SLC2A2: variants seen among roughly 807,000 people sequenced by gnomAD.
SLC2A2 encodes the protein solute carrier family 2 member 2, also known as solute carrier family 2, facilitated glucose transporter member 2.
A neutral mutation model predicts 54.5 loss-of-function variants in SLC2A2; 36 were observed. The observed-to-expected ratio is 0.66, with a 90% CI of 0.51 to 0.87. The LOEUF is 0.87. Ranked by LOEUF, SLC2A2 falls within the 40% of genes least tolerant of loss-of-function variation. The probability of loss-of-function intolerance (pLI) is 0.00; values close to 1 mark genes in which losing one functional copy is unlikely to be tolerated. For missense variants in SLC2A2, 543 were observed against 624.3 expected, an observed-to-expected ratio of 0.87 and a Z score of 1.39; for synonymous variants, 223 against 219.1, an observed-to-expected ratio of 1.02 and a Z score of -0.16.
At chr3:171,002,068 T>C (rs574706878) in intron 8 of SLC2A2, among the ~76,000 whole-genome samples, 1 of 152,154 alleles carries the variant, frequency 6.6e-6, no homozygotes, top group African/African-American at 2.4e-5. Flanking sequence ...TACCATTTGC[T>C]GAGTCTGTTT....
At position 171,007,201 on chromosome 3, in the gene SLC2A2, C is replaced by T. The variant is rs200213178; in HGVS notation, c.559G>A (p.Ala187Thr). The part of the protein sequence containing the change: ...GEIAPTALRG[A>T]LGTFHQLAIV... Reference sequence around the variant, plus strand: ...GCCAGCTGATGAAAAGTGCCAAGTGCTCCCCTGAGAGCGGTTGGAGCAATT... The same window carrying T: ...GCCAGCTGATGAAAAGTGCCAAGTGTTCCCCTGAGAGCGGTTGGAGCAATT... The change falls in exon 5 of 11, where the codon GCA becomes ACA. Residue 187 changes from alanine (A) to threonine (T), a missense_variant. Physicochemically the swap from Ala to Thr is moderately conservative, Grantham distance 58. Around this residue, in one of 3 missense-constraint regions of SLC2A2, gnomAD observed 318 missense variants for 343.8 expected, o/e 0.93. Coordinates refer to ENST00000314251, the MANE Select transcript of SLC2A2 (RefSeq NM_000340.2). The T allele has an allele frequency of 6.2e-7, 1 of 1,612,772 alleles. No homozygotes were observed. The highest frequency in any genetic ancestry group is 2.2e-5 in the East Asian group (1 of 44,820).
At chr3:171,011,095 A>T (rs1277411845) in intron 3 of SLC2A2, among the ~76,000 whole-genome samples, 1 of 150,194 alleles carries the variant, frequency 6.7e-6, no homozygotes, top group Non-Finnish European at 1.5e-5. Flanking sequence ...ACCAAACAGA[A>T]TTTTTTTTTT....
In SLC2A2 at chr3:171,009,946, TGTGTG is replaced by T; in HGVS notation, c.496+7_496+11del. 6.4e-7 allele frequency: 1 copy of T among 1,568,110 alleles called. No homozygotes were observed. On this transcript the variant is annotated splice_region_variant and intron_variant, in intron 4 of 10. Coordinates refer to ENST00000314251, the MANE Select transcript of SLC2A2 (RefSeq NM_000340.2). ...GTGTGTGTGTGTGTGTGTGTGTGTGTGTGTGACTTACCACAATATAGTCCTGATAT... is the reference window on the plus strand; with the variant it reads ...GTGTGTGTGTGTGTGTGTGTGTGTGTACTTACCACAATATAGTCCTGATAT...
Position 170,999,077 on chromosome 3 carries a change from T to A in SLC2A2, c.1158A>T (p.Gly386=). 6.2e-7 allele frequency: 1 copy of A among 1,611,266 alleles called. No individual in the cohort carries two copies. Among genetic ancestry groups the A allele is most frequent in the Non-Finnish European group, 8.5e-7 (1 of 1,177,674 alleles). Residue 386 remains glycine, a synonymous_variant, in exon 9 of 11, where the codon GGA becomes GGT. Transcript: ENST00000314251. ...GCACCAAACTTACCAGCAGCACAAG[T>A]CCCACTGACATGAAGATGGCACAAA... ...MFVCAIFMSV[G]LVLLNKFSWM... is the part of the protein sequence containing the mutation.
chr3:171,009,976 T>C lies in SLC2A2; in HGVS notation c.478A>G (p.Ile160Val). ...GACTTACCACAATATAGTCCTGATA[T>C]GCTTCTTCCAGCAATTATAAGTATA... Reference protein sequence around the residue: ...SHILIIAGRSISGLYCGLISG... With the variant: ...SHILIIAGRSVSGLYCGLISG... Residue 160 changes from isoleucine to valine, a missense_variant, in exon 4 of 11, where the codon ATA becomes GTA. Transcript: ENST00000314251. 6.2e-7 allele frequency: 1 copy of C among 1,608,114 alleles called. No individual in the cohort carries two copies. Among genetic ancestry groups the C allele is most frequent in the Non-Finnish European group, 8.5e-7 (1 of 1,176,972 alleles).
chr3:171,005,931 C>T lies in SLC2A2; in HGVS notation c.775+12G>A. On this transcript the variant is annotated intron_variant, in intron 6 of 10. Coordinates refer to ENST00000314251, the MANE Select transcript of SLC2A2 (RefSeq NM_000340.2). ...AACAATAGGAAGAAAGAAAAACCAT[C>T]CACAGACTTACTTTGTTTTGCTTTG... 6.2e-7 allele frequency: 1 copy of T among 1,610,614 alleles called. No homozygotes were observed. Among genetic ancestry groups the T allele is most frequent in the Non-Finnish European group, 8.5e-7 (1 of 1,177,402 alleles).
In SLC2A2 at chr3:170,997,812, G is replaced by T. The variant is rs867371749; in HGVS notation, c.*91C>A. ...ACATAAAAATAAAACAATACTTAAA[G>T]ATGTGGATATAAAATGCTCAAGGAA... On this transcript the variant is annotated 3_prime_UTR_variant, in exon 11 of 11. Coordinates refer to ENST00000314251, the MANE Select transcript of SLC2A2 (RefSeq NM_000340.2). 1.0e-6 allele frequency: 1 copy of T among 995,558 alleles called. No individual in the cohort carries two copies. 61.7% of individuals were successfully genotyped at this position (995,558 alleles called of 1,614,324 possible).
chr3:170,996,678 G>A lies in SLC2A2; in HGVS notation c.*1225C>T, dbSNP rs564764920. 24 of 397,920 alleles carry A rather than the reference G, an allele frequency of 6.0e-5. No homozygotes were observed. In the South Asian group the frequency reaches 2.3e-3, roughly 38 times the overall value. 24.6% of individuals were successfully genotyped at this position (397,920 alleles called of 1,614,324 possible). On this transcript the variant is annotated 3_prime_UTR_variant, in exon 11 of 11. Transcript: ENST00000314251. ...CAATTTGCCTATGTAGGTAAAGGCA[G>A]ATAGATAGTGTACAATGCGTGTTAG...
chr3:171,009,842 T>A lies in SLC2A2; in HGVS notation c.496+116A>T, dbSNP rs868052454. The A allele has an allele frequency of 2.0e-5, 28 of 1,415,992 alleles. No homozygotes were observed. The Middle Eastern group carries it at 9.5e-4, about 48-fold the overall frequency. The allele number at this position is 1,415,992 out of a possible 1,614,324, so 87.7% of individuals were successfully genotyped here. A position where few individuals can be genotyped will look rare whatever the true frequency, so the allele number is the denominator to read the frequency against. On this transcript the variant is annotated intron_variant, in intron 4 of 10. Coordinates refer to ENST00000314251, the MANE Select transcript of SLC2A2 (RefSeq NM_000340.2). The stretch of plus-strand genomic sequence containing the variant: ...TGCTATTGCCTTTCCCTCTGTGATG[T>A]CACCCTAGACTCAAAAATATCCCTG...
chr3:171,008,651 C>A (rs1005952064), intron 4 of SLC2A2, among the ~76,000 whole-genome samples: 3 of 151,866 alleles, frequency 2.0e-5, no homozygotes, highest in Admixed American at 6.6e-5. Flanking sequence ...TTTTTTCACA[C>A]TGTATTTTTT....
At chr3:171,019,165 A>G (rs969680740) in intron 1 of SLC2A2, among the ~76,000 whole-genome samples, 2 of 140,444 alleles carry the variant, frequency 1.4e-5, no homozygotes, top group South Asian at 4.6e-4. Flanking sequence ...ACGTATGTAT[A>G]TATATTCAGA....
At chr3:171,026,059 T>C (rs983440991) in intron 1 of SLC2A2, among the ~76,000 whole-genome samples, 4 of 152,198 alleles carry the variant, frequency 2.6e-5, no homozygotes, top group African/African-American at 7.2e-5. Context: ...TACTTTAGCA[T>C]GTACAAAGAA....
intron 4 of SLC2A2, among the ~76,000 whole-genome samples, chr3:171,008,291 T>C (rs1378969955): frequency 1.3e-5 from 2 of 152,164 alleles, no homozygotes; most frequent in African/African-American, 4.8e-5. Context: ...AAGGTATCTG[T>C]ATTTCAGCTG....
intron 2 of SLC2A2, among the ~76,000 whole-genome samples, chr3:171,017,014 A>C: frequency 6.6e-6 from 1 of 151,772 alleles, no homozygotes; most frequent in East Asian, 1.9e-4. Context: ...CACCACGCCC[A>C]GCTAATTTTG....
Position 170,998,345 on chromosome 3 carries a change from CAA to C in SLC2A2, c.1220_1221del (p.Phe407CysfsTer5). On this transcript the variant is annotated frameshift_variant, in exon 10 of 11. Transcript: ENST00000314251. LOFTEE classifies it high-confidence loss of function. Reference protein sequence around the residue: ...SYVSMIAIFLFVSFFEIGPGP... With the variant: ...SYVSMIAIFLXVSFFEIGPGP... ...CCTGGCCCAATTTCAAAGAAGCTGA[CAA>C]AGAGGAAGATGGCTATCATGCTCAC... 2 of 1,613,632 alleles carry C rather than the reference CAA, an allele frequency of 1.2e-6. No homozygotes were observed. The highest frequency in any genetic ancestry group is 1.3e-5 in the African/African-American group (1 of 74,992).
intron 1 of SLC2A2, among the ~76,000 whole-genome samples, chr3:171,020,010 A>G (rs992255818): frequency 3.3e-5 from 5 of 152,138 alleles, no homozygotes; most frequent in Non-Finnish European, 7.4e-5. Flanking sequence ...AAAGCTTGGG[A>G]TATAGTAGGA....
chr3:171,006,676 A>G (rs763145199), intron 5 of SLC2A2, among the ~76,000 whole-genome samples: 5 of 152,036 alleles, frequency 3.3e-5, no homozygotes, highest in Non-Finnish European at 7.4e-5. Flanking sequence ...CTTTGACACC[A>G]TAGGGTAGAA....
chr3:170,997,826 A>G lies in SLC2A2; in HGVS notation c.*77T>C, dbSNP rs1026217546. On this transcript the variant is annotated 3_prime_UTR_variant, in exon 11 of 11. Coordinates refer to ENST00000314251, the MANE Select transcript of SLC2A2 (RefSeq NM_000340.2). ...CAATACTTAAAGATGTGGATATAAA[A>G]TGCTCAAGGAATCATCATTTAAAAA... 9 of 1,155,592 alleles carry G rather than the reference A, an allele frequency of 7.8e-6. No individual in the cohort carries two copies. The highest frequency in any genetic ancestry group is 3.1e-5 in the African/African-American group (2 of 64,926). 71.6% of individuals were successfully genotyped at this position (1,155,592 alleles called of 1,614,324 possible).
intron 7 of SLC2A2, among the ~76,000 whole-genome samples, chr3:171,003,338 A>G (rs1286866035): frequency 6.7e-6 from 1 of 149,786 alleles, no homozygotes; most frequent in African/African-American, 2.4e-5. Context: ...ATGAGTATTT[A>G]GGTAGCTGCC....
Sources: gnomAD v4.1 joint callset for allele counts (sites outside exome capture counted in the v4.1 genomes callset) on GRCh38, gnomAD v4.1.1 for gene constraint, gnomAD v4.1.1 regional missense constraint, MANE v1.5 for transcripts, NCBI Gene and HGNC (gene_info 2026-07-23, HGNC 2026-07-21) for gene names.